Variants in ARRDC2 observed in about 807,000 individuals in gnomAD.
The protein encoded by ARRDC2 is arrestin domain-containing protein 2.
Under a neutral mutation model 38.9 loss-of-function variants are expected in ARRDC2, and 39 were observed. That is an observed-to-expected ratio of 1.00 (90% CI 0.78 to 1.31). The LOEUF (loss-of-function observed/expected upper bound fraction) is 1.31. Ranked by LOEUF, ARRDC2 falls within the 50% of genes most tolerant of loss-of-function variation. ARRDC2 has a pLI of 0.00. For missense variants in ARRDC2, 553 were observed against 588.4 expected (o/e 0.94, Z 0.62); for synonymous variants, 300 against 261.9 (o/e 1.15, Z -1.41).
At chr19:18,010,134 A>G in intron 5 of ARRDC2, 62 bp from the exon 6 acceptor site, 1 of 1,606,662 alleles carries the variant, frequency 6.2e-7, no homozygotes. Context: ...CCCCAGGCAT[A>G]GGAGGGAGGT....
At chr19:18,001,190 C>CGG in exon 1 of ARRDC2, 1 of 1,041,170 alleles carries the variant, frequency 9.6e-7, no homozygotes. Flanking sequence ...CCAAGTTCGC[C>CGG]GGGGGGGCCC....
chr19:18,012,910 T>C lies in ARRDC2; in HGVS notation c.1171-3T>C. The C allele has an allele frequency of 3.7e-6, 6 of 1,613,660 alleles. No homozygotes were observed. On this transcript the variant is annotated splice_polypyrimidine_tract_variant and splice_region_variant and intron_variant, in intron 7 of 7. Coordinates refer to ENST00000222250, the MANE Select transcript of ARRDC2 (RefSeq NM_015683.2). ...TGAGGCTTAATGGGAACATTTCTCT[T>C]AGGAGGATCCAAACCCACTCTTGGG...
intron 3 of ARRDC2, 153 bp from the exon 4 acceptor site, chr19:18,009,439 C>T: frequency 1.4e-6 from 1 of 707,828 alleles, no homozygotes. Flanking sequence ...GGGTTGTGTT[C>T]CTGGCTCTAT....
upstream of ARRDC2, among the ~76,000 whole-genome samples, chr19:18,005,154 T>C (rs1157947355): frequency 6.6e-6 from 1 of 151,924 alleles, no homozygotes; most frequent in Non-Finnish European, 1.5e-5. Flanking sequence ...AGAGTGTTTG[T>C]GTCCCTGGGT....
chr19:18,001,467 G>A (rs1418153794), exon 1 of ARRDC2: 1 of 1,277,256 alleles, frequency 7.8e-7, no homozygotes, highest in Admixed American at 4.0e-5. Context: ...CGCGCGGCGG[G>A]GCGGCCACCC....
At chr19:18,001,559 AGCT>A (rs748707236) in exon 1 of ARRDC2, 1 of 1,366,556 alleles carries the variant, frequency 7.3e-7, no homozygotes, top group South Asian at 1.6e-5. Context: ...CGGCGTCGGC[AGCT>A]GCTGCTCCGA....
chr19:18,002,742 C>CTT (rs763952112), intron 1 of ARRDC2, among the ~76,000 whole-genome samples: 2 of 152,158 alleles, frequency 1.3e-5, no homozygotes, highest in Non-Finnish European at 2.9e-5. Flanking sequence ...CCCGGCGACT[C>CTT]GGAGAACTCT....
chr19:18,006,024 C>T (rs539857128), upstream of ARRDC2, among the ~76,000 whole-genome samples: 4 of 147,430 alleles, frequency 2.7e-5, no homozygotes, highest in Non-Finnish European at 6.0e-5. Context: ...ACATCTCAGA[C>T]GATGGGCGGC....
In ARRDC2 at chr19:18,008,552, T is replaced by C; in HGVS notation, c.242T>C (p.Val81Ala). 6.4e-7 allele frequency: 1 copy of C among 1,566,462 alleles called. No individual in the cohort carries two copies. The highest frequency in any genetic ancestry group is 8.6e-7 in the Non-Finnish European group (1 of 1,163,960). The change falls in exon 1 of 8, where the codon GTC becomes GCC. Residue 81 changes from valine (V) to alanine (A), a missense_variant. By Grantham distance (64) the Val-to-Ala change is moderately conservative (BLOSUM62 0). Transcript: ENST00000222250. Reference sequence around the variant, plus strand: ...CAGAGCTACAGTGAACGCGTGGAGGTCGTGAGCCACCGCGCCACGCTCCTG... The same window carrying C: ...CAGAGCTACAGTGAACGCGTGGAGGCCGTGAGCCACCGCGCCACGCTCCTG... ...YTQSYSERVE[V>A]VSHRATLLAP...
At position 18,013,160 on chromosome 19, in the gene ARRDC2, G is replaced by T. The variant is rs1840336564; in HGVS notation, c.*194G>T. On this transcript the variant is annotated 3_prime_UTR_variant, in exon 8 of 8. Transcript: ENST00000222250. ...GCCCGGCTGGAATCTGACTTACCTG[G>T]ACCGCTGTCCTTGTGAGGCATTGAA... is the stretch of plus-strand genomic sequence containing the variant. 10 of 599,852 alleles carry T rather than the reference G, an allele frequency of 1.7e-5. No homozygotes were observed. Among genetic ancestry groups the T allele is most frequent in the Non-Finnish European group, 2.9e-5 (10 of 341,068 alleles). 37.2% of individuals were successfully genotyped at this position (599,852 alleles called of 1,614,324 possible).
At chr19:18,008,120 C>T (rs2033317662), upstream of ARRDC2, 56 of 572,726 alleles carry the variant, frequency 9.8e-5, 3 homozygotes, top group South Asian at 1.0e-3. Flanking sequence ...ACGGTGACCC[C>T]ACCCCCCCCC....
At chr19:18,009,317 T>G in intron 3 of ARRDC2, 199 bp downstream of exon 3, 1 of 684,700 alleles carries the variant, frequency 1.5e-6, no homozygotes, top group Non-Finnish European at 2.4e-6. Context: ...CTTGAAGCCC[T>G]CTCTGAGCCT....
chr19:18,010,994 G>C (rs1490766629), intron 7 of ARRDC2, among the ~76,000 whole-genome samples: 1 of 151,170 alleles, frequency 6.6e-6, no homozygotes, highest in Non-Finnish European at 1.5e-5. Context: ...TTTGTGTTTT[G>C]TTTTGTTTTG....
At chr19:18,006,939 C>G (rs1055491722), upstream of ARRDC2, among the ~76,000 whole-genome samples, 1 of 152,210 alleles carries the variant, frequency 6.6e-6, no homozygotes, top group Non-Finnish European at 1.5e-5. Context: ...AAAGACCCAT[C>G]CTCCCAGGCA....
At chr19:18,003,898 C>G (rs1368762547), upstream of ARRDC2, among the ~76,000 whole-genome samples, 2 of 151,962 alleles carry the variant, frequency 1.3e-5, no homozygotes, top group African/African-American at 4.8e-5. Context: ...CTCGGCCTCC[C>G]AAAGTGCTGG....
At chr19:18,008,119 C>CCCCCCCCCCCCCCCCCCCCCCACAAAAAA, upstream of ARRDC2, 1 of 530,448 alleles carries the variant, frequency 1.9e-6, no homozygotes, top group Non-Finnish European at 2.8e-6. Flanking sequence ...GACGGTGACC[C>CCCCCCCCCCCCCCCCCCCCCCACAAAAAA]CACCCCCCCC....
chr19:18,001,404 G>T (rs2033183047), exon 1 of ARRDC2: 3 of 1,221,460 alleles, frequency 2.5e-6, no homozygotes, highest in African/African-American at 1.6e-5. Context: ...TGTGCGGCCG[G>T]GTGCTGCTGG....
intron 7 of ARRDC2, among the ~76,000 whole-genome samples, chr19:18,010,987 GTGTTTTGTTT>G (rs201619533): frequency 6.6e-6 from 1 of 151,618 alleles, no homozygotes; most frequent in Non-Finnish European, 1.5e-5. Flanking sequence ...GCTAATTTTT[GTGTTTTGTTT>G]TGTTTTGCTT....
In ARRDC2 at chr19:18,010,366, C is replaced by T. The variant is rs774364273; in HGVS notation, c.1012+8C>T. On this transcript the variant is annotated splice_region_variant and intron_variant, in intron 6 of 7. Transcript: ENST00000222250. ...TGCCGGAGCGGCCTGAGGGTAAGCTCCCACCCTGCTTGCATGCAGAGGGTG... is the reference window on the plus strand; with the variant it reads ...TGCCGGAGCGGCCTGAGGGTAAGCTTCCACCCTGCTTGCATGCAGAGGGTG... The T allele has an allele frequency of 1.8e-5, 29 of 1,605,082 alleles. No individual in the cohort carries two copies. Among genetic ancestry groups the T allele is most frequent in the Non-Finnish European group, 2.4e-5 (28 of 1,178,292 alleles).
Sources: gnomAD v4.1 joint callset for allele counts (sites outside exome capture counted in the v4.1 genomes callset) on GRCh38, gnomAD v4.1.1 for gene constraint, MANE v1.5 for transcripts, NCBI Gene and HGNC (gene_info 2026-07-23, HGNC 2026-07-21) for gene names.